The following ADAM7 variants were observed in gnomAD, a reference collection of about 807,000 sequenced individuals.
ADAM7 encodes ADAM metallopeptidase domain 7.
In ADAM7, 97 loss-of-function variants were observed where a neutral mutation model predicts 102.9. That is an observed-to-expected ratio of 0.94 (90% CI 0.80 to 1.12). The LOEUF is 1.12. Ranked by LOEUF, ADAM7 falls within the 50% of genes most tolerant of loss-of-function variation. The pLI, the probability that ADAM7 is intolerant of heterozygous loss-of-function variation, is 0.00. For synonymous variants in ADAM7, 334 were observed against 304.4 expected (o/e 1.10, Z -1.01); for missense variants, 991 against 908.7 (o/e 1.09, Z -1.16).
chr8:24,454,031 C>T (rs1348313896), intron 3 of ADAM7, among the ~76,000 whole-genome samples: 2 of 152,144 alleles, frequency 1.3e-5, no homozygotes, highest in East Asian at 3.9e-4. Context: ...AGAGGAGTAC[C>T]CGGCTGTGTG....
chr8:24,490,909 A>T, intron 13 of ADAM7, 21 bp downstream of exon 13: 1 of 1,608,852 alleles, frequency 6.2e-7, no homozygotes, highest in Non-Finnish European at 8.5e-7. Flanking sequence ...GTGCCAGGAG[A>T]AGGTTTTTTT....
intron 3 of ADAM7, among the ~76,000 whole-genome samples, chr8:24,460,648 TAA>T (rs113055605): frequency 0.044 from 6,696 of 152,102 alleles, 208 homozygotes; most frequent in African/African-American, 0.06. Flanking sequence ...ATGTGAAATG[TAA>T]AAACATTGCA....
intron 7 of ADAM7, among the ~76,000 whole-genome samples, chr8:24,473,672 T>C (rs558030143): frequency 4.2e-4 from 64 of 152,272 alleles, no homozygotes; most frequent in African/African-American, 1.5e-3. Flanking sequence ...GTAACAGATC[T>C]AGACATGATC....
intron 3 of ADAM7, among the ~76,000 whole-genome samples, chr8:24,449,937 T>A (rs184997601): frequency 6.6e-6 from 1 of 152,286 alleles, no homozygotes; most frequent in African/African-American, 2.4e-5. Context: ...TTTTCTCAGG[T>A]TTGTCAAAGA....
rs1249405433 is a variant in ADAM7 at position 24,466,842 on chromosome 8, GT to G, written c.434del (p.Val145GlyfsTer16). 1 of 1,613,968 alleles carries G rather than the reference GT, an allele frequency of 6.2e-7. No homozygotes were observed. Among genetic ancestry groups the G allele is most frequent in the Non-Finnish European group, 8.5e-7 (1 of 1,179,940 alleles). On this transcript the variant is annotated frameshift_variant, in exon 6 of 22. Coordinates refer to ENST00000175238, the MANE Select transcript of ADAM7 (RefSeq NM_003817.4). LOFTEE classifies it high-confidence loss of function. ...CGACCAAAGATACCTCATTGAACCA[GT>G]GAAATACTCAGATGAGGGAGAACAT... ...INDQRYLIEP[V>X]KYSDEGEHLV...
chr8:24,452,533 C>G (rs908702021), intron 3 of ADAM7, among the ~76,000 whole-genome samples: 22 of 151,818 alleles, frequency 1.4e-4, no homozygotes, highest in Admixed American at 2.0e-4. Flanking sequence ...TTATTTTGAG[C>G]CTATGTGTGT....
chr8:24,476,655 T>G (rs1819778159), intron 8 of ADAM7, 151 bp downstream of exon 8: 1 of 500,944 alleles, frequency 2.0e-6, no homozygotes, highest in Non-Finnish European at 3.5e-6. Context: ...GAAAAAATAA[T>G]AACAACAAAC....
chr8:24,452,808 T>A (rs1477905572), intron 3 of ADAM7, among the ~76,000 whole-genome samples: 1 of 151,722 alleles, frequency 6.6e-6, no homozygotes, highest in East Asian at 1.9e-4. Context: ...CTTTCCATGT[T>A]TCGTGCTTCC....
intron 9 of ADAM7, among the ~76,000 whole-genome samples, 199 bp downstream of exon 9, chr8:24,482,510 G>T (rs572326019): frequency 6.6e-6 from 1 of 152,100 alleles, no homozygotes; most frequent in Non-Finnish European, 1.5e-5. Flanking sequence ...CATTTTAGGA[G>T]ACCAAAGTAG....
intron 20 of ADAM7, chr8:24,506,147 C>T (rs1004666956): frequency 1.1e-5 from 17 of 1,549,794 alleles, no homozygotes; most frequent in South Asian, 9.5e-5. Flanking sequence ...GTCCCCACTA[C>T]ATCACACTGG....
At chr8:24,445,437 G>A (rs558196819) in intron 2 of ADAM7, among the ~76,000 whole-genome samples, 7 of 152,218 alleles carry the variant, frequency 4.6e-5, no homozygotes, top group Non-Finnish European at 8.8e-5. Flanking sequence ...TGCTATAGTA[G>A]CACAGCTCTA....
At chr8:24,445,309 G>A (rs1010764824) in intron 2 of ADAM7, among the ~76,000 whole-genome samples, 4 of 152,116 alleles carry the variant, frequency 2.6e-5, no homozygotes, top group Admixed American at 6.6e-5. Flanking sequence ...TTATGATAAA[G>A]CTGTAATTTT....
intron 12 of ADAM7, chr8:24,490,598 C>G: frequency 1.8e-6 from 1 of 547,830 alleles, no homozygotes; most frequent in Non-Finnish European, 3.3e-6. Context: ...CCGTAATGTA[C>G]CAAACAGCAC....
chr8:24,465,715 A>G lies in ADAM7; in HGVS notation c.329A>G (p.Gln110Arg). 6.2e-7 allele frequency: 1 copy of G among 1,603,192 alleles called. No individual in the cohort carries two copies. The highest frequency in any genetic ancestry group is 1.1e-5 in the South Asian group (1 of 88,068). ...HPQIMDHCFY[Q>R]GSIVHEYDSA... ...CTATTTTAGGATCATTGTTTTTACC[A>G]AGGATCCATAGTACACGAATATGAT... Residue 110 changes from glutamine (Q) to arginine (R), a missense_variant, in exon 5 of 22, where the codon CAA becomes CGA. Coordinates refer to ENST00000175238, the MANE Select transcript of ADAM7 (RefSeq NM_003817.4).
intron 3 of ADAM7, among the ~76,000 whole-genome samples, chr8:24,454,998 A>C (rs1818975169): frequency 6.6e-6 from 1 of 152,174 alleles, no homozygotes; most frequent in Non-Finnish European, 1.5e-5. Context: ...GTATGTGCGT[A>C]TGAGTCACCA....
intron 3 of ADAM7, among the ~76,000 whole-genome samples, chr8:24,451,203 T>C (rs1428376969): frequency 7.9e-5 from 12 of 151,916 alleles, no homozygotes; most frequent in Admixed American, 7.9e-4. Context: ...TTCTATTGAT[T>C]GGAATAGTTT....
chr8:24,459,501 G>C (rs754125091), intron 3 of ADAM7, among the ~76,000 whole-genome samples: 15 of 151,622 alleles, frequency 9.9e-5, no homozygotes, highest in Non-Finnish European at 1.8e-4. Flanking sequence ...GTATTTCCCA[G>C]GCTGGAGTGC....
chr8:24,508,707 C>G lies in ADAM7; in HGVS notation c.*161C>G, dbSNP rs1227855454. The G allele has an allele frequency of 1.4e-6, 2 of 1,453,670 alleles. No individual in the cohort carries two copies. The highest frequency in any genetic ancestry group is 1.8e-6 in the Non-Finnish European group (2 of 1,098,890). 90.0% of individuals were successfully genotyped at this position (1,453,670 alleles called of 1,614,324 possible). On this transcript the variant is annotated 3_prime_UTR_variant, in exon 22 of 22. Transcript: ENST00000175238. ...AATGTTTAAGAGAAACAACTTATTTCTGTTAATATTTACCGGTAGAATTCA... is the reference window on the plus strand; with the variant it reads ...AATGTTTAAGAGAAACAACTTATTTGTGTTAATATTTACCGGTAGAATTCA...
At position 24,495,202 on chromosome 8, in the gene ADAM7, T is replaced by C. The variant is rs577701119; in HGVS notation, c.1842+1973T>C. Among the ~76,000 whole-genome samples, 5 of 152,262 alleles carry C rather than the reference T, an allele frequency of 3.3e-5. No individual in the cohort carries two copies. The South Asian group carries it at 6.2e-4, about 19-fold the overall frequency. The stretch of plus-strand genomic sequence containing the variant: ...GATTTGAATAAGATCCTATAGCTCA[T>C]AGTCCCCAGAGTATCCAGAATACAA... On this transcript the variant is annotated intron_variant, in intron 16 of 21. Coordinates refer to ENST00000175238, the MANE Select transcript of ADAM7 (RefSeq NM_003817.4).
Sources: gnomAD v4.1 joint callset for allele counts (sites outside exome capture counted in the v4.1 genomes callset) on GRCh38, gnomAD v4.1.1 for gene constraint, MANE v1.5 for transcripts, NCBI Gene and HGNC (gene_info 2026-07-23, HGNC 2026-07-21) for gene names.